Variants in KIF6 observed in about 807,000 individuals in gnomAD.
KIF6 encodes kinesin family member 6.
A neutral mutation model predicts 112.7 loss-of-function variants in KIF6; 106 were observed. The observed-to-expected ratio is 0.94, with a 90% CI of 0.80 to 1.11. The LOEUF is 1.11. KIF6 is among the 50% of genes least tolerant of loss of function. The pLI is 0.00. For synonymous variants in KIF6, 339 were observed against 339.9 expected (o/e 1.00, Z 0.03); for missense variants, 929 against 964.0 (o/e 0.96, Z 0.48).
At chr6:39,624,742 A>T (rs1449975145) in intron 5 of KIF6, among the ~76,000 whole-genome samples, 1 of 152,218 alleles carries the variant, frequency 6.6e-6, no homozygotes, top group Non-Finnish European at 1.5e-5. Context: ...TCATGTCACT[A>T]AAAGCTCTAA....
intron 10 of KIF6, among the ~76,000 whole-genome samples, chr6:39,555,119 G>C (rs1032314996): frequency 6.6e-6 from 1 of 151,946 alleles, no homozygotes; most frequent in Non-Finnish European, 1.5e-5. Context: ...CCAGCACCTG[G>C]ACTGTCTTAG....
At chr6:39,352,272 C>A (rs1171417720) in intron 19 of KIF6, among the ~76,000 whole-genome samples, 1 of 152,152 alleles carries the variant, frequency 6.6e-6, no homozygotes, top group East Asian at 1.9e-4. Context: ...AATATAGATA[C>A]ATTATTATGA....
chr6:39,482,589 AAT>A (rs1774865057), intron 13 of KIF6, among the ~76,000 whole-genome samples: 1 of 152,210 alleles, frequency 6.6e-6, no homozygotes, highest in Non-Finnish European at 1.5e-5. Flanking sequence ...CACCTTGAGA[AAT>A]TTAGCTTATA....
At chr6:39,388,304 A>G (rs774858715) in intron 15 of KIF6, among the ~76,000 whole-genome samples, 8 of 148,040 alleles carry the variant, frequency 5.4e-5, no homozygotes, top group Non-Finnish European at 7.4e-5. Flanking sequence ...TTTTGGAATG[A>G]CCAGGTTTAA....
In KIF6 at chr6:39,720,756, G is replaced by C; in HGVS notation, c.122C>G (p.Pro41Arg). 1 of 1,609,898 alleles carries C rather than the reference G, an allele frequency of 6.2e-7. No individual in the cohort carries two copies. The highest frequency in any genetic ancestry group is 8.5e-7 in the Non-Finnish European group (1 of 1,176,410). ...CACAAACCCATCTGCCAAATCACGT[G>C]GTAAGATGATTTCCAAGCTAGGTAT... ...KLIPSLEIIL[P>R]RDLADGFVNN... The change falls in exon 2 of 23, where the codon CCA (proline) becomes CGA (arginine). Residue 41 changes from proline (P) to arginine (R), a missense_variant. Coordinates refer to ENST00000287152, the MANE Select transcript of KIF6 (RefSeq NM_145027.6).
chr6:39,724,319 G>T (rs546536936), intron 1 of KIF6, among the ~76,000 whole-genome samples: 32 of 152,212 alleles, frequency 2.1e-4, no homozygotes, highest in Non-Finnish European at 3.8e-4. Context: ...CGGGCGTGGT[G>T]GCGGGCACCT....
rs1158517222 is a variant in KIF6 at position 39,561,591 on chromosome 6, C to CA, written c.1182-15904dup. ...CAGGCTGGTCTTGAACTCCTGACCT[C>CA]AAGTGATCCGCCTGCCTTGGCTCCC... On this transcript the variant is annotated intron_variant, in intron 10 of 22. Transcript: ENST00000287152. Among the ~76,000 whole-genome samples the CA allele has an allele frequency of 2.0e-5, 3 of 152,018 alleles. No individual in the cohort carries two copies. In the East Asian group the frequency reaches 5.8e-4, roughly 29 times the overall value.
chr6:39,516,088 G>A (rs1536700), intron 13 of KIF6, among the ~76,000 whole-genome samples: 34,633 of 152,080 alleles, frequency 0.23, 4,759 homozygotes, highest in African/African-American at 0.37. Context: ...CAACCAGTAT[G>A]TATAAGGCAA....
chr6:39,502,302 C>G (rs1776178814), intron 13 of KIF6, among the ~76,000 whole-genome samples: 1 of 151,946 alleles, frequency 6.6e-6, no homozygotes. Flanking sequence ...GAATTTGGTA[C>G]CACAAGACCT....
chr6:39,569,638 C>T (rs1040014828), intron 10 of KIF6, among the ~76,000 whole-genome samples: 6 of 152,210 alleles, frequency 3.9e-5, no homozygotes, highest in Non-Finnish European at 5.9e-5. Context: ...TGCTAACTTT[C>T]AAAGGATGAA....
At chr6:39,567,959 T>G (rs1780403664) in intron 10 of KIF6, among the ~76,000 whole-genome samples, 2 of 152,024 alleles carry the variant, frequency 1.3e-5, no homozygotes, top group Admixed American at 6.6e-5. Flanking sequence ...GGACCCTGAG[T>G]AGAGATCCAT....
At chr6:39,648,795 C>G (rs547067257) in intron 3 of KIF6, among the ~76,000 whole-genome samples, 6 of 152,210 alleles carry the variant, frequency 3.9e-5, no homozygotes, top group African/African-American at 1.4e-4. Flanking sequence ...TGAAGCATGT[C>G]CCCTGGAGGT....
chr6:39,420,995 G>A (rs1179080176), intron 14 of KIF6, among the ~76,000 whole-genome samples: 3 of 152,186 alleles, frequency 2.0e-5, no homozygotes, highest in Non-Finnish European at 2.9e-5. Context: ...TGGCCTATGT[G>A]AGAACATGTA....
intron 13 of KIF6, among the ~76,000 whole-genome samples, chr6:39,481,267 G>A (rs1774780361): frequency 1.3e-5 from 2 of 151,936 alleles, no homozygotes; most frequent in Non-Finnish European, 2.9e-5. Context: ...TAGAGTGTCA[G>A]GTGGTAATGG....
At chr6:39,518,065 A>G (rs1409087472) in intron 13 of KIF6, among the ~76,000 whole-genome samples, 1 of 152,210 alleles carries the variant, frequency 6.6e-6, no homozygotes, top group Non-Finnish European at 1.5e-5. Context: ...TAGCTGCTAG[A>G]CTTGATGGAA....
At chr6:39,545,441 T>C (rs1582100642) in intron 11 of KIF6, 142 bp downstream of exon 11, 4 of 594,406 alleles carry the variant, frequency 6.7e-6, no homozygotes, top group Admixed American at 6.2e-5. Context: ...GTGATAATCA[T>C]ACTATTGATT....
chr6:39,538,364 T>A (rs1027393953), intron 13 of KIF6, among the ~76,000 whole-genome samples: 1 of 151,200 alleles, frequency 6.6e-6, no homozygotes, highest in East Asian at 2.0e-4. Context: ...TCAAACAAAT[T>A]TACAAGAAAA....
At chr6:39,552,339 T>C (rs922839771) in intron 10 of KIF6, among the ~76,000 whole-genome samples, 23 of 152,246 alleles carry the variant, frequency 1.5e-4, no homozygotes, top group African/African-American at 5.5e-4. Flanking sequence ...ATTTTATTAT[T>C]ACTTTCATTC....
At chr6:39,363,355 G>C (rs1241794687) in intron 16 of KIF6, among the ~76,000 whole-genome samples, 1 of 152,162 alleles carries the variant, frequency 6.6e-6, no homozygotes, top group Admixed American at 6.5e-5. Flanking sequence ...TCACAACCAG[G>C]GATGAGCCCA....
Sources: gnomAD v4.1 joint callset for allele counts (sites outside exome capture counted in the v4.1 genomes callset) on GRCh38, gnomAD v4.1.1 for gene constraint, MANE v1.5 for transcripts, NCBI Gene and HGNC (gene_info 2026-07-23, HGNC 2026-07-21) for gene names.